ST3GAL4: variants seen among roughly 807,000 people sequenced by gnomAD.
ST3GAL4 encodes the protein CMP-N-acetylneuraminate-beta-galactosamide-alpha-2,3-sialyltransferase 4.
A neutral mutation model predicts 42.6 loss-of-function variants in ST3GAL4; 24 were observed. That is an observed-to-expected ratio of 0.56 (90% confidence interval 0.41 to 0.79). ST3GAL4 has a LOEUF of 0.79. Among genes scored for constraint, ST3GAL4 ranks in the 30% least tolerant of loss-of-function variants. The pLI is 0.00. For missense variants in ST3GAL4, 311 were observed against 430.8 expected (o/e 0.72, Z 2.46); for synonymous variants, 135 against 163.2 (o/e 0.83, Z 1.32).
At chr11:126,405,304 T>A (rs1954175426) in intron 1 of ST3GAL4, among the ~76,000 whole-genome samples, 1 of 152,222 alleles carries the variant, frequency 6.6e-6, no homozygotes, top group South Asian at 2.1e-4. Flanking sequence ...TCTGCTTGTG[T>A]GCAGGGGTGA....
chr11:126,399,175 T>C (rs967340050), intron 1 of ST3GAL4, among the ~76,000 whole-genome samples: 1 of 152,158 alleles, frequency 6.6e-6, no homozygotes, highest in African/African-American at 2.4e-5. Flanking sequence ...AACGGTAACA[T>C]GCCTGCACCC....
At position 126,407,361 on chromosome 11, in the gene ST3GAL4, C is replaced by T. The variant is rs1460774302; in HGVS notation, c.280+12C>T. The T allele has an allele frequency of 1.2e-6, 2 of 1,613,110 alleles. No homozygotes were observed. The highest frequency in any genetic ancestry group is 1.3e-5 in the African/African-American group (1 of 74,896). On this transcript the variant is annotated intron_variant, in intron 5 of 10. Transcript: ENST00000444328. ...GACCAAGGGGAGTGGTAAGTTCCTACCCGGCTCGTGGGAACCATGGGCTCA... is the reference window on the plus strand; with the variant it reads ...GACCAAGGGGAGTGGTAAGTTCCTATCCGGCTCGTGGGAACCATGGGCTCA...
rs1425588339 is a variant in ST3GAL4 at position 126,409,664 on chromosome 11, T to C, written c.771+253T>C. ...AGGTTTAGGGGCTGGTGTGAGAGGA[T>C]GGTTTTGGCAGGCGCTGGTCAGAAT... On this transcript the variant is annotated intron_variant, in intron 9 of 10. Transcript: ENST00000444328. This position sits in a 1 kb window ranked among gnomAD's most constrained non-coding sequence, Gnocchi z 4.9. Among the ~76,000 whole-genome samples the C allele has an allele frequency of 1.3e-5, 2 of 152,084 alleles. No homozygotes were observed. The highest frequency in any genetic ancestry group is 4.8e-5 in the African/African-American group (2 of 41,410).
rs201389657 is a variant in ST3GAL4, at chr11:126,407,581, G to C, written c.288G>C (p.Leu96=). The part of the protein sequence containing the change: ...LPYGTKGSED[L]LLRVLAITSS... ...GCCTGGTACTTTTTGTAGAGGATCT[G>C]CTCCTCCGGGTGCTAGCCATCACCA... The change falls in exon 6 of 11, where the codon CTG becomes CTC. Residue 96 remains leucine (L), a synonymous_variant. Transcript: ENST00000444328. 1.9e-6 allele frequency: 3 copies of C among 1,614,150 alleles called. No individual in the cohort carries two copies. The highest frequency in any genetic ancestry group is 3.3e-5 in the Admixed American group (2 of 60,010).
rs531184670 is a variant in ST3GAL4, at chr11:126,396,612, G to A, written c.-60-9484G>A. ...ACTGTGCGGAGCCTTCGAAGGACTT[G>A]GATGTGCTTGAGACCCCTTCCCCTA... On this transcript the variant is annotated intron_variant, in intron 1 of 10. Coordinates refer to ENST00000444328, the MANE Select transcript of ST3GAL4 (RefSeq NM_001254757.2). The surrounding 1 kb of genome is among the most constrained non-coding windows in gnomAD (Gnocchi z 5.8). 1.2e-4 allele frequency among the ~76,000 whole-genome samples: 18 copies of A among 151,944 alleles called. 1 individual carries two copies. The highest frequency in any genetic ancestry group is 4.1e-4 in the African/African-American group (17 of 41,258).
Position 126,384,302 on chromosome 11 carries a change from C to T in ST3GAL4, c.-60-21794C>T, listed in dbSNP as rs568363362. On this transcript the variant is annotated intron_variant, in intron 1 of 10. Transcript: ENST00000444328. The surrounding 1 kb of genome is among the most constrained non-coding windows in gnomAD (Gnocchi z 5.5). ...GGTTTCTGAGCCCAGATCTCCGGTG[C>T]TCCAAGACACTCAAAACCAGAGCTG... 7.9e-5 allele frequency among the ~76,000 whole-genome samples: 12 copies of T among 152,312 alleles called. No homozygotes were observed. Among genetic ancestry groups the T allele is most frequent in the African/African-American group, 2.9e-4 (12 of 41,568 alleles).
chr11:126,362,293 G>A (rs1042411613), intron 1 of ST3GAL4, among the ~76,000 whole-genome samples: 1 of 150,796 alleles, frequency 6.6e-6, no homozygotes, highest in Non-Finnish European at 1.5e-5. Flanking sequence ...TGCCTCCCGG[G>A]TTCAAGCGAG....
chr11:126,392,232 G>GT lies in ST3GAL4; in HGVS notation c.-60-13863dup. 2.4e-6 allele frequency: 2 copies of GT among 834,258 alleles called. No individual in the cohort carries two copies. The highest frequency in any genetic ancestry group is 1.1e-4 in the South Asian group (2 of 18,292). The allele number at this position is 834,258 out of a possible 1,614,324, so 51.7% of individuals were successfully genotyped here. On this transcript the variant is annotated intron_variant, in intron 1 of 10. Coordinates refer to ENST00000444328, the MANE Select transcript of ST3GAL4 (RefSeq NM_001254757.2). The surrounding 1 kb of genome is among the most constrained non-coding windows in gnomAD (Gnocchi z 5.8). ...TCAGGTTGACCCCCGTTAGGAGGAA[G>GT]TAAGTAGGAAGGAAGGAGATTTCCT...
intron 1 of ST3GAL4, among the ~76,000 whole-genome samples, chr11:126,371,452 C>T (rs891927799): frequency 1.3e-5 from 2 of 152,072 alleles, no homozygotes; most frequent in African/African-American, 4.8e-5. Context: ...CGTGAGCCAC[C>T]GCGCCTGGCC....
chr11:126,413,181 C>T (rs550772853), intron 9 of ST3GAL4, among the ~76,000 whole-genome samples: 122 of 152,262 alleles, frequency 8.0e-4, no homozygotes, highest in Admixed American at 2.3e-3. Flanking sequence ...TCTTAGCGCA[C>T]GACAGCCCAG....
rs1345964509 is a variant in ST3GAL4, at chr11:126,397,140, G to T, written c.-60-8956G>T. Reference sequence around the variant, plus strand: ...TTTGAGCGTGCAGTACATTTCAGTTGTTAGTGGAACATGCAATACATCTTT... The same window carrying T: ...TTTGAGCGTGCAGTACATTTCAGTTTTTAGTGGAACATGCAATACATCTTT... On this transcript the variant is annotated intron_variant, in intron 1 of 10. Coordinates refer to ENST00000444328, the MANE Select transcript of ST3GAL4 (RefSeq NM_001254757.2). The surrounding 1 kb of genome is among the most constrained non-coding windows in gnomAD (Gnocchi z 5.0). Among the ~76,000 whole-genome samples, 1 of 152,088 alleles carries T rather than the reference G, an allele frequency of 6.6e-6. No homozygotes were observed. Among genetic ancestry groups the T allele is most frequent in the African/African-American group, 2.4e-5 (1 of 41,356 alleles).
intron 8 of ST3GAL4, 72 bp downstream of exon 8, chr11:126,408,568 C>G: frequency 6.5e-7 from 1 of 1,548,178 alleles, no homozygotes; most frequent in South Asian, 1.2e-5. Flanking sequence ...CCTCACGCTC[C>G]TTGATGTCCG....
intron 1 of ST3GAL4, among the ~76,000 whole-genome samples, chr11:126,390,618 C>CTTTTTTTTTTTTTTTTTTTTTTTTT (rs58153137): frequency 1.5e-4 from 19 of 126,680 alleles, no homozygotes; most frequent in African/African-American, 5.7e-4. Context: ...GTGTTCTTTG[C>CTTTTTTTTTTTTTTTTTTTTTTTTT]TTTTTTTTTT....
At chr11:126,403,013 C>T (rs1319664451) in intron 1 of ST3GAL4, among the ~76,000 whole-genome samples, 4 of 152,214 alleles carry the variant, frequency 2.6e-5, no homozygotes, top group African/African-American at 4.8e-5. Flanking sequence ...TGGCTTTGCT[C>T]CTGCCCTTTA....
At chr11:126,387,778 C>CCATA (rs140336549) in intron 1 of ST3GAL4, among the ~76,000 whole-genome samples, 1,906 of 152,282 alleles carry the variant, frequency 0.013, 41 homozygotes, top group African/African-American at 0.043. Flanking sequence ...TCTTGAGAGG[C>CCATA]CATAGCCTTT....
rs1954242724 is a variant in ST3GAL4, at chr11:126,406,570, T to C, written c.101+13T>C. 1 of 1,614,136 alleles carries C rather than the reference T, an allele frequency of 6.2e-7. No individual in the cohort carries two copies. The highest frequency in any genetic ancestry group is 1.6e-4 in the Middle Eastern group (1 of 6,062). Reference sequence around the variant, plus strand: ...GGTACATCGAGCTGTGAGTTCACCTTCCATGTCCTTCCAGTGGCTCTTGTC... The same window carrying C: ...GGTACATCGAGCTGTGAGTTCACCTCCCATGTCCTTCCAGTGGCTCTTGTC... On this transcript the variant is annotated intron_variant, in intron 3 of 10. Transcript: ENST00000444328. This position sits in a 1 kb window ranked among gnomAD's most constrained non-coding sequence, Gnocchi z 5.4.
chr11:126,388,723 A>T (rs1591456864), intron 1 of ST3GAL4, among the ~76,000 whole-genome samples: 4 of 91,712 alleles, frequency 4.4e-5, no homozygotes, highest in Admixed American at 1.3e-4. Flanking sequence ...GAATTTACTG[A>T]TATGTTAGGT....
Position 126,410,637 on chromosome 11 carries a change from T to C in ST3GAL4, c.771+1226T>C, listed in dbSNP as rs1249358823. Among the ~76,000 whole-genome samples, 6 of 152,266 alleles carry C rather than the reference T, an allele frequency of 3.9e-5. No homozygotes were observed. The highest frequency in any genetic ancestry group is 1.2e-4 in the African/African-American group (5 of 41,478). ...TTGAATAAATGATTTTATTGTTTAC[T>C]GAACATTTCCTGTTATTCCATGTTC... On this transcript the variant is annotated intron_variant, in intron 9 of 10. Transcript: ENST00000444328. The surrounding 1 kb of genome is among the most constrained non-coding windows in gnomAD (Gnocchi z 5.3).
At chr11:126,369,867 C>T (rs1455011110) in intron 1 of ST3GAL4, among the ~76,000 whole-genome samples, 5 of 152,184 alleles carry the variant, frequency 3.3e-5, no homozygotes, top group African/African-American at 9.7e-5. Context: ...TAAGATGTAT[C>T]TGAATATGCA....
Sources: gnomAD v4.1 joint callset for allele counts (sites outside exome capture counted in the v4.1 genomes callset) on GRCh38, gnomAD v4.1.1 for gene constraint, Gnocchi (gnomAD v3.1) non-coding constraint, MANE v1.5 for transcripts, NCBI Gene and HGNC (gene_info 2026-07-23, HGNC 2026-07-21) for gene names.